The following PCDHGA7 variants were observed in gnomAD, a reference collection of about 807,000 sequenced individuals.
PCDHGA7 encodes the protein protocadherin gamma subfamily A, 7.
PCDHGA7 carries 44 observed loss-of-function variants against 58.3 expected under a neutral mutation model. The observed-to-expected ratio is 0.75, with a 90% CI of 0.59 to 0.97. The LOEUF is 0.97. Ranked by LOEUF, PCDHGA7 falls within the 50% of genes least tolerant of loss-of-function variation. The probability of loss-of-function intolerance (pLI) is 0.00; values close to 1 mark genes in which losing one functional copy is unlikely to be tolerated. For synonymous variants in PCDHGA7, 516 were observed against 504.2 expected (o/e 1.02, Z -0.31); for missense variants, 1,266 against 1,188.7 (o/e 1.06, Z -0.96).
At chr5:141,401,485 G>A (rs2094160307) in intron 1 of PCDHGA7, among the ~76,000 whole-genome samples, 2 of 152,152 alleles carry the variant, frequency 1.3e-5, no homozygotes, top group Admixed American at 6.5e-5. Context: ...AGGTTTTCTT[G>A]GATGCAAAAT....
Position 141,432,035 on chromosome 5 carries a change from G to T in PCDHGA7, c.2424+46712G>T. 1 of 1,614,218 alleles carries T rather than the reference G, an allele frequency of 6.2e-7. No homozygotes were observed. The highest frequency in any genetic ancestry group is 1.1e-5 in the South Asian group (1 of 91,066). On this transcript the variant is annotated intron_variant, in intron 1 of 3. Transcript: ENST00000518325. The surrounding 1 kb of genome is among the most constrained non-coding windows in gnomAD (Gnocchi z 6.0). ...CTACAACATCACAGTGACCGCCACT[G>T]ACCGGGGAACCCCGCCCCTATCCAC... is the stretch of plus-strand genomic sequence containing the variant.
At chr5:141,484,359 T>A (rs1218120598) in intron 1 of PCDHGA7, among the ~76,000 whole-genome samples, 1 of 152,222 alleles carries the variant, frequency 6.6e-6, no homozygotes, top group Non-Finnish European at 1.5e-5. Context: ...GTGTATCTAG[T>A]GTATCACTAG....
At chr5:141,401,478 T>A (rs2094159554) in intron 1 of PCDHGA7, among the ~76,000 whole-genome samples, 1 of 152,186 alleles carries the variant, frequency 6.6e-6, no homozygotes. Flanking sequence ...TTTATCCAGG[T>A]TTTCTTGGAT....
chr5:141,417,185 A>C (rs2096092787), intron 1 of PCDHGA7: 1 of 152,216 alleles, frequency 6.6e-6, no homozygotes, highest in Admixed American at 6.5e-5. Context: ...AGGAATTATT[A>C]CTTTCTGGGT....
chr5:141,489,150 TAA>T lies in PCDHGA7; in HGVS notation c.2425-5656_2425-5655del. 1.2e-6 allele frequency: 1 copy of T among 862,654 alleles called. No homozygotes were observed. Among genetic ancestry groups the T allele is most frequent in the Non-Finnish European group, 1.7e-6 (1 of 575,074 alleles). The allele number at this position is 862,654 out of a possible 1,614,324, so 53.4% of individuals were successfully genotyped here. On this transcript the variant is annotated intron_variant, in intron 1 of 3. Coordinates refer to ENST00000518325, the MANE Select transcript of PCDHGA7 (RefSeq NM_018920.4). This position sits in a 1 kb window ranked among gnomAD's most constrained non-coding sequence, Gnocchi z 4.5. ...GTTTTTAAGAGGCTGGAAGGAGACA[TAA>T]GAGACTTCAGCTGCTGCATTCCAAG... is the stretch of plus-strand genomic sequence containing the variant.
Position 141,489,454 on chromosome 5 carries a change from G to C in PCDHGA7, c.2425-5353G>C, listed in dbSNP as rs1177748773. 1 of 1,613,940 alleles carries C rather than the reference G, an allele frequency of 6.2e-7. No homozygotes were observed. The highest frequency in any genetic ancestry group is 1.3e-5 in the African/African-American group (1 of 74,906). On this transcript the variant is annotated intron_variant, in intron 1 of 3. Transcript: ENST00000518325. This position sits in a 1 kb window ranked among gnomAD's most constrained non-coding sequence, Gnocchi z 4.5. ...GCTGCAATTGGGCTCTGAGGAGAAT[G>C]GGCGCTATTTTTCCCTGAGCTTGAT...
At chr5:141,469,425 C>T (rs1035406646) in intron 1 of PCDHGA7, among the ~76,000 whole-genome samples, 1 of 151,622 alleles carries the variant, frequency 6.6e-6, no homozygotes, top group East Asian at 1.9e-4. Context: ...AAATATAAAA[C>T]TTAGCTGGGC....
chr5:141,411,568 AG>A (rs2095500132), intron 1 of PCDHGA7: 1 of 152,232 alleles, frequency 6.6e-6, no homozygotes, highest in South Asian at 2.1e-4. Context: ...TGGGCGACAG[AG>A]TGCGACCCTG....
rs527641698 is a variant in PCDHGA7 at position 141,410,317 on chromosome 5, C to G, written c.2424+24994C>G. The G allele has an allele frequency of 2.5e-6, 4 of 1,613,892 alleles. No homozygotes were observed. In the East Asian group the frequency reaches 6.7e-5, roughly 27 times the overall value. ...CCTTAATCTCAGTGCTCTTCCTCCT[C>G]GCCGTGATTCTGGCCATTGCCTTGC... On this transcript the variant is annotated intron_variant, in intron 1 of 3. Transcript: ENST00000518325.
At chr5:141,474,745 C>T (rs935430941) in intron 1 of PCDHGA7, among the ~76,000 whole-genome samples, 2 of 152,174 alleles carry the variant, frequency 1.3e-5, no homozygotes, top group East Asian at 3.9e-4. Context: ...AAGTGATGTC[C>T]AAGACAAATA....
intron 1 of PCDHGA7, chr5:141,394,651 A>G: frequency 6.2e-7 from 1 of 1,611,802 alleles, no homozygotes; most frequent in Admixed American, 1.7e-5. Flanking sequence ...AAGGCCAGCG[A>G]GCCGGGACTC....
intron 1 of PCDHGA7, among the ~76,000 whole-genome samples, chr5:141,468,777 A>T (rs2099178581): frequency 6.7e-6 from 1 of 150,364 alleles, no homozygotes; most frequent in Non-Finnish European, 1.5e-5. Flanking sequence ...GAGGCAGGAG[A>T]ATGGCGTGAA....
intron 3 of PCDHGA7, among the ~76,000 whole-genome samples, chr5:141,506,381 G>A (rs750584158): frequency 2.0e-5 from 3 of 151,216 alleles, no homozygotes; most frequent in Non-Finnish European, 4.4e-5. Context: ...CCTGGGAGGT[G>A]GCTGTGGTGA....
intron 1 of PCDHGA7, chr5:141,441,694 G>A (rs1443778772): frequency 2.3e-5 from 7 of 301,140 alleles, no homozygotes; most frequent in Non-Finnish European, 2.6e-5. Context: ...GAGCAGCCGC[G>A]AGCCTTCAAG....
intron 1 of PCDHGA7, chr5:141,393,430 C>A: frequency 6.2e-7 from 1 of 1,614,040 alleles, no homozygotes. Flanking sequence ...GAGGAAGAGG[C>A]TGCTCACCAC....
chr5:141,462,009 G>A (rs2099028674), intron 1 of PCDHGA7, among the ~76,000 whole-genome samples: 1 of 152,190 alleles, frequency 6.6e-6, no homozygotes, highest in Admixed American at 6.5e-5. Context: ...TTTTAATAGA[G>A]ACGGGGTTTC....
intron 1 of PCDHGA7, among the ~76,000 whole-genome samples, chr5:141,433,378 T>C (rs1246585250): frequency 6.6e-5 from 10 of 151,072 alleles, no homozygotes. Context: ...TATCTATCTA[T>C]CTATCTATCT....
intron 1 of PCDHGA7, chr5:141,395,099 C>T: frequency 6.2e-7 from 1 of 1,614,228 alleles, no homozygotes; most frequent in Non-Finnish European, 8.5e-7. Flanking sequence ...TCACCGCCGA[C>T]TCGCGGAAGA....
rs57426385 is a variant in PCDHGA7 at position 141,415,740 on chromosome 5, G to GTTTTTTTTTTTTTT, written c.2424+30436_2424+30449dup. 1.9e-4 allele frequency: 117 copies of GTTTTTTTTTTTTTT among 625,018 alleles called. 7 individuals are homozygous for GTTTTTTTTTTTTTT. Among genetic ancestry groups the GTTTTTTTTTTTTTT allele is most frequent in the African/African-American group, 5.0e-4 (20 of 39,930 alleles). 38.7% of individuals were successfully genotyped at this position (625,018 alleles called of 1,614,324 possible). A position where few individuals can be genotyped will look rare whatever the true frequency, so the allele number is the denominator to read the frequency against. On this transcript the variant is annotated intron_variant, in intron 1 of 3. Coordinates refer to ENST00000518325, the MANE Select transcript of PCDHGA7 (RefSeq NM_018920.4). ...TGAGTAGAATTTGATGTTTATTAAGGTTTTTTTTTTTTTTTTTTTTTTTTT... is the reference window on the plus strand; with the variant it reads ...TGAGTAGAATTTGATGTTTATTAAGGTTTTTTTTTTTTTTTTTTTTTTTTTTTTTTTTTTTTTTT...
Sources: gnomAD v4.1 joint callset for allele counts (sites outside exome capture counted in the v4.1 genomes callset) on GRCh38, gnomAD v4.1.1 for gene constraint, Gnocchi (gnomAD v3.1) non-coding constraint, MANE v1.5 for transcripts, NCBI Gene and HGNC (gene_info 2026-07-23, HGNC 2026-07-21) for gene names.